Variants in PCDHA1 observed in about 807,000 individuals in gnomAD.
PCDHA1 encodes protocadherin alpha-1.
PCDHA1 carries 42 observed loss-of-function variants against 61.3 expected under a neutral mutation model. The observed-to-expected ratio is 0.69, with a 90% CI of 0.54 to 0.89. The LOEUF (loss-of-function observed/expected upper bound fraction) is 0.89, where lower values mean the gene tolerates loss of function less well. PCDHA1 is among the 40% of genes least tolerant of loss of function. The pLI, the probability that PCDHA1 is intolerant of heterozygous loss-of-function variation, is 0.00. For synonymous variants in PCDHA1, 610 were observed against 553.8 expected (o/e 1.10, Z -1.43); for missense variants, 1,256 against 1,235.3 (o/e 1.02, Z -0.25).
chr5:140,985,233 G>C (rs1447323173), intron 3 of PCDHA1, among the ~76,000 whole-genome samples: 4 of 152,084 alleles, frequency 2.6e-5, no homozygotes, highest in Non-Finnish European at 5.9e-5. Flanking sequence ...CACCGCGCCT[G>C]GCCTAATCTT....
intron 1 of PCDHA1, chr5:140,854,176 A>AAT: frequency 1.5e-6 from 1 of 663,712 alleles, no homozygotes; most frequent in Non-Finnish European, 1.9e-6. Flanking sequence ...AAAAAAAAAA[A>AAT]GAGTAGTTTA....
chr5:140,926,742 C>G (rs1454782151), intron 1 of PCDHA1: 2 of 1,199,338 alleles, frequency 1.7e-6, no homozygotes, highest in East Asian at 5.8e-5. Context: ...GGAGGCGCAA[C>G]GTCGGCGGTC....
At chr5:140,871,654 A>G in intron 1 of PCDHA1, 3 of 1,238,202 alleles carry the variant, frequency 2.4e-6, no homozygotes, top group East Asian at 2.6e-5. Context: ...CAAATGATAC[A>G]CATCTTCAGT....
Position 141,009,998 on chromosome 5 carries a change from T to A in PCDHA1, c.*61T>A. On this transcript the variant is annotated 3_prime_UTR_variant, in exon 4 of 4. Transcript: ENST00000504120. ...TTGTAATAATGGCAAATCTCTCCCA[T>A]GTAGCAATTCCCTGCTCCTTTTTCC... 1 of 1,575,994 alleles carries A rather than the reference T, an allele frequency of 6.3e-7. No individual in the cohort carries two copies. Among genetic ancestry groups the A allele is most frequent in the Non-Finnish European group, 8.6e-7 (1 of 1,164,944 alleles).
intron 1 of PCDHA1, chr5:140,795,607 A>G: frequency 6.2e-7 from 1 of 1,614,218 alleles, no homozygotes; most frequent in Non-Finnish European, 8.5e-7. Flanking sequence ...ACTGGTGGCT[A>G]CTGATGGGGG....
chr5:140,801,040 A>G, intron 1 of PCDHA1: 27 of 1,431,400 alleles, frequency 1.9e-5, no homozygotes, highest in Non-Finnish European at 2.5e-5. Flanking sequence ...TTCTCCACAA[A>G]AGAAATAACA....
In PCDHA1 at chr5:140,787,690, A is replaced by G; in HGVS notation, c.1400A>G (p.Asn467Ser). 3 of 1,613,854 alleles carry G rather than the reference A, an allele frequency of 1.9e-6. No homozygotes were observed. The highest frequency in any genetic ancestry group is 1.7e-4 in the Middle Eastern group (1 of 5,974). Residue 467 changes from asparagine (N) to serine (S), a missense_variant, in exon 1 of 4, where the codon AAC becomes AGC. Asn to Ser is a conservative substitution (Grantham distance 46). Coordinates refer to ENST00000504120, the MANE Select transcript of PCDHA1 (RefSeq NM_018900.4). ...QPEYTVFVKE[N>S]NPPGCHIFTV... ...GAGTACACAGTATTCGTGAAGGAGA[A>G]CAACCCGCCGGGCTGCCACATCTTC...
At chr5:140,916,665 G>A (rs1166692195) in intron 1 of PCDHA1, among the ~76,000 whole-genome samples, 2 of 152,184 alleles carry the variant, frequency 1.3e-5, no homozygotes, top group Non-Finnish European at 2.9e-5. Flanking sequence ...CAAGATGCAA[G>A]ACAAAGTCCT....
chr5:141,006,405 C>T (rs782532612), intron 3 of PCDHA1, among the ~76,000 whole-genome samples: 28 of 151,916 alleles, frequency 1.8e-4, no homozygotes, highest in Middle Eastern at 6.8e-3. Context: ...AGTAGAGACG[C>T]GGTTTCACTG....
At chr5:140,877,798 C>T in intron 1 of PCDHA1, 2 of 1,613,568 alleles carry the variant, frequency 1.2e-6, no homozygotes. Flanking sequence ...CAGCCCAAGC[C>T]TTCAGCTGTC....
At chr5:140,796,592 C>T (rs782316579) in intron 1 of PCDHA1, 3 of 1,613,432 alleles carry the variant, frequency 1.9e-6, no homozygotes, top group South Asian at 1.1e-5. Flanking sequence ...GCGGGCGTGC[C>T]GCCTCTGGGC....
intron 1 of PCDHA1, chr5:140,860,476 G>A (rs1456923557): frequency 3.9e-5 from 6 of 152,106 alleles, no homozygotes; most frequent in Non-Finnish European, 8.8e-5. Context: ...TGGTGCAGTA[G>A]TACTTTATTT....
chr5:140,814,753 T>C (rs1765582163), intron 1 of PCDHA1: 1 of 152,232 alleles, frequency 6.6e-6, no homozygotes, highest in East Asian at 1.9e-4. Context: ...ATGGGACTAC[T>C]CTTGTACATG....
chr5:140,805,046 AC>A, intron 1 of PCDHA1: 1 of 1,589,980 alleles, frequency 6.3e-7, no homozygotes, highest in East Asian at 2.2e-5. Context: ...CAGCCAAAGT[AC>A]TTGTCTTCCC....
At chr5:140,834,245 T>C in intron 1 of PCDHA1, 2 of 872,198 alleles carry the variant, frequency 2.3e-6, no homozygotes, top group Non-Finnish European at 3.5e-6. Flanking sequence ...CTTTTCGCAC[T>C]GGAAAGACGC....
At position 140,786,447 on chromosome 5, in the gene PCDHA1, G is replaced by A. The variant is rs782054620; in HGVS notation, c.157G>A (p.Gly53Arg). ...CGTTGGCCGCGTTGCTCAGGACCTG[G>A]GACTGGAGCTGGCGGAGCTGGTGCC... is the stretch of plus-strand genomic sequence containing the variant. ...TFVGRVAQDL[G>R]LELAELVPRL... Residue 53 changes from glycine (G) to arginine (R), a missense_variant, in exon 1 of 4, where the codon GGA becomes AGA. Physicochemically the swap from Gly to Arg is moderately radical, Grantham distance 125. Coordinates refer to ENST00000504120, the MANE Select transcript of PCDHA1 (RefSeq NM_018900.4). 5.0e-6 allele frequency: 8 copies of A among 1,613,508 alleles called. No individual in the cohort carries two copies. The highest frequency in any genetic ancestry group is 6.8e-6 in the Non-Finnish European group (8 of 1,180,042).
Position 140,835,371 on chromosome 5 carries a change from C to G in PCDHA1, c.2394+46687C>G, listed in dbSNP as rs2150234593. On this transcript the variant is annotated intron_variant, in intron 1 of 3. Transcript: ENST00000504120. ...GGCTGTCGATAAAGGCTTCCCACCCCTGGCTGGTCATTGTACAGTTCTTGT... is the reference window on the plus strand; with the variant it reads ...GGCTGTCGATAAAGGCTTCCCACCCGTGGCTGGTCATTGTACAGTTCTTGT... The G allele has an allele frequency of 8.7e-6, 14 of 1,613,974 alleles. No homozygotes were observed. The highest frequency in any genetic ancestry group is 1.1e-5 in the Non-Finnish European group (13 of 1,179,870).
At chr5:140,841,595 C>G (rs2150318765) in intron 1 of PCDHA1, 1 of 1,614,060 alleles carries the variant, frequency 6.2e-7, no homozygotes, top group Non-Finnish European at 8.5e-7. Flanking sequence ...TCGGATCGAC[C>G]GCGAGGAGCT....
At chr5:140,926,819 C>G in intron 1 of PCDHA1, 1 of 1,493,950 alleles carries the variant, frequency 6.7e-7, no homozygotes, top group Non-Finnish European at 8.9e-7. Context: ...CTCGTGCTCT[C>G]CAGGAGTCCG....
Sources: gnomAD v4.1 joint callset for allele counts (sites outside exome capture counted in the v4.1 genomes callset) on GRCh38, gnomAD v4.1.1 for gene constraint, MANE v1.5 for transcripts, NCBI Gene and HGNC (gene_info 2026-07-23, HGNC 2026-07-21) for gene names.